JARID2: variants seen among roughly 807,000 people sequenced by gnomAD.
JARID2 encodes jumonji and AT-rich interaction domain containing 2.
Under a neutral mutation model 125.6 loss-of-function variants are expected in JARID2, and 21 were observed. The observed-to-expected ratio is 0.17, with a 90% CI of 0.12 to 0.24. The LOEUF (loss-of-function observed/expected upper bound fraction) is 0.24. JARID2 is among the 10% of genes least tolerant of loss of function. The probability of loss-of-function intolerance (pLI) is 1.00; values close to 1 mark genes in which losing one functional copy is unlikely to be tolerated. For missense variants in JARID2, 1,303 were observed against 1,639.6 expected (o/e 0.79, Z 3.55); for synonymous variants, 736 against 661.6 (o/e 1.11, Z -1.73).
chr6:15,409,822 A>G (rs1177556056), intron 2 of JARID2, among the ~76,000 whole-genome samples: 2 of 152,236 alleles, frequency 1.3e-5, no homozygotes, highest in African/African-American at 4.8e-5. Flanking sequence ...CCTGCAGGCA[A>G]TTCCAGAAAG....
chr6:15,447,634 C>A (rs1767732571), intron 3 of JARID2, among the ~76,000 whole-genome samples: 1 of 152,188 alleles, frequency 6.6e-6, no homozygotes, highest in Admixed American at 6.5e-5. Context: ...TATCCCAGTT[C>A]TTTTCATTTT....
chr6:15,322,315 C>A lies in JARID2; in HGVS notation c.46-51802C>A, dbSNP rs368713794. ...CTGAGACTTGGTTAGAGGGCACTTGCCAGGCATGGTGACACACTCCTGTAG... is the reference window on the plus strand; with the variant it reads ...CTGAGACTTGGTTAGAGGGCACTTGACAGGCATGGTGACACACTCCTGTAG... On this transcript the variant is annotated intron_variant, in intron 1 of 17. Transcript: ENST00000341776. Among the ~76,000 whole-genome samples, 12 of 152,284 alleles carry A rather than the reference C, an allele frequency of 7.9e-5. No individual in the cohort carries two copies. In the East Asian group the frequency reaches 1.7e-3, roughly 22 times the overall value.
chr6:15,296,959 C>T (rs929680465), intron 1 of JARID2, among the ~76,000 whole-genome samples: 7 of 152,220 alleles, frequency 4.6e-5, no homozygotes, highest in East Asian at 1.9e-4. Context: ...TGCTTACATC[C>T]TGTGACTGTC....
chr6:15,481,870 G>A (rs557728383), intron 5 of JARID2, among the ~76,000 whole-genome samples: 1 of 152,258 alleles, frequency 6.6e-6, no homozygotes, highest in Non-Finnish European at 1.5e-5. Flanking sequence ...CCTTGCTGAA[G>A]TCTTCAGGGC....
intron 3 of JARID2, among the ~76,000 whole-genome samples, chr6:15,411,834 C>A (rs2237149): frequency 0.43 from 65,426 of 151,942 alleles, 14,194 homozygotes; most frequent in Admixed American, 0.49. Context: ...GGCTGGCCAT[C>A]ACCCTCACTT....
rs563664526 is a variant in JARID2, at chr6:15,439,093, G to A, written c.324-12913G>A. On this transcript the variant is annotated intron_variant, in intron 3 of 17. Transcript: ENST00000341776. ...CTGGTTCAGGCAGTGGAACAGGGGA[G>A]AATGAGGCAAACCCAGCTACAGTGC... Among the ~76,000 whole-genome samples the A allele has an allele frequency of 8.6e-5, 13 of 151,952 alleles. No homozygotes were observed. The South Asian group carries it at 2.7e-3, about 32-fold the overall frequency.
intron 3 of JARID2, among the ~76,000 whole-genome samples, chr6:15,446,899 GGTTC>G (rs1445717619): frequency 6.6e-6 from 1 of 152,152 alleles, no homozygotes; most frequent in African/African-American, 2.4e-5. Flanking sequence ...GGGACCCATA[GGTTC>G]GTCTGCTGCT....
chr6:15,408,315 T>A (rs1013804799), intron 2 of JARID2, among the ~76,000 whole-genome samples: 4 of 152,214 alleles, frequency 2.6e-5, no homozygotes, highest in Non-Finnish European at 5.9e-5. Context: ...GCATCCTCTT[T>A]TTTTCCTTTT....
At chr6:15,347,516 C>T (rs535538638) in intron 1 of JARID2, among the ~76,000 whole-genome samples, 15 of 152,070 alleles carry the variant, frequency 9.9e-5, no homozygotes, top group Non-Finnish European at 1.9e-4. Flanking sequence ...ATTTTATTTT[C>T]CATGATATGT....
intron 1 of JARID2, chr6:15,248,778 TC>T (rs1759308049): frequency 3.5e-6 from 1 of 287,754 alleles, no homozygotes; most frequent in African/African-American, 2.3e-5. Flanking sequence ...GGTGGAACCT[TC>T]CCCTCCTCCT....
chr6:15,520,142 T>C lies in JARID2; in HGVS notation c.3632T>C (p.Leu1211Pro). The C allele has an allele frequency of 6.2e-7, 1 of 1,613,942 alleles. No homozygotes were observed. The highest frequency in any genetic ancestry group is 8.5e-7 in the Non-Finnish European group (1 of 1,179,948). Residue 1211 changes from leucine to proline, a missense_variant, in exon 18 of 18, where the codon CTC becomes CCC. By Grantham distance (98) the Leu-to-Pro change is moderately conservative. This residue lies in a region of JARID2 where 75 missense variants were observed against 66.0 expected (regional missense o/e 1.14). Transcript: ENST00000341776. ...SGKNGSIENC[L>P]SKPTPKRGPR... ...AAAAACGGCAGCATTGAGAACTGTC[T>C]CAGTAAACCCACACCAAAAAGAGGT...
chr6:15,285,105 GGTTT>G (rs999455103), intron 1 of JARID2, among the ~76,000 whole-genome samples: 1 of 127,390 alleles, frequency 7.8e-6, no homozygotes, highest in Non-Finnish European at 1.6e-5. Context: ...AGTCTTTCTG[GGTTT>G]TTTTTTTTTT....
intron 1 of JARID2, among the ~76,000 whole-genome samples, chr6:15,348,690 C>T (rs1405817020): frequency 1.3e-5 from 2 of 152,072 alleles, no homozygotes; most frequent in African/African-American, 4.8e-5. Flanking sequence ...GTTCTTTATT[C>T]TTCGCTGAAA....
At chr6:15,391,717 C>T (rs1051518614) in intron 2 of JARID2, among the ~76,000 whole-genome samples, 5 of 152,164 alleles carry the variant, frequency 3.3e-5, no homozygotes, top group Non-Finnish European at 7.3e-5. Context: ...GACATTGGAT[C>T]GTAATTCTTG....
chr6:15,273,501 A>C (rs546589408), intron 1 of JARID2, among the ~76,000 whole-genome samples: 10 of 152,348 alleles, frequency 6.6e-5, no homozygotes, highest in African/African-American at 2.4e-4. Flanking sequence ...CAGGAGTTCA[A>C]GACCAGCCTG....
intron 2 of JARID2, among the ~76,000 whole-genome samples, chr6:15,396,859 TAAC>T (rs892751830): frequency 1.3e-5 from 2 of 152,240 alleles, no homozygotes; most frequent in Non-Finnish European, 2.9e-5. Flanking sequence ...ATTGTAGCCT[TAAC>T]AACCCAGTTA....
At chr6:15,382,945 G>A (rs1764647395) in intron 2 of JARID2, among the ~76,000 whole-genome samples, 1 of 152,166 alleles carries the variant, frequency 6.6e-6, no homozygotes, top group Non-Finnish European at 1.5e-5. Context: ...GACTTTAGGA[G>A]GGACACAGCA....
intron 2 of JARID2, among the ~76,000 whole-genome samples, chr6:15,404,553 AC>A (rs1475169916): frequency 6.6e-6 from 1 of 151,390 alleles, no homozygotes; most frequent in Non-Finnish European, 1.5e-5. Flanking sequence ...ACACACACAC[AC>A]ACACACACAC....
chr6:15,503,229 G>A (rs1770827435), intron 8 of JARID2, among the ~76,000 whole-genome samples: 1 of 152,220 alleles, frequency 6.6e-6, no homozygotes, highest in Non-Finnish European at 1.5e-5. Flanking sequence ...TGGTCTGCTG[G>A]TGTCATCCTC....
Sources: gnomAD v4.1 joint callset for allele counts (sites outside exome capture counted in the v4.1 genomes callset) on GRCh38, gnomAD v4.1.1 for gene constraint, gnomAD v4.1.1 regional missense constraint, MANE v1.5 for transcripts, NCBI Gene and HGNC (gene_info 2026-07-23, HGNC 2026-07-21) for gene names.